PROSER2: variants seen among roughly 807,000 people sequenced by gnomAD.
PROSER2 encodes the protein proline and serine rich 2.
In PROSER2, 18 loss-of-function variants were observed where a neutral mutation model predicts 14.6. That is an observed-to-expected ratio of 1.23 (90% CI 0.85 to 1.83). PROSER2 has a LOEUF of 1.83. Ranked by LOEUF, PROSER2 falls within the 40% of genes most tolerant of loss-of-function variation. The pLI is 0.00. For synonymous variants in PROSER2, 367 were observed against 286.4 expected (o/e 1.28, Z -2.84); for missense variants, 823 against 629.8 (o/e 1.31, Z -3.28).
chr10:11,859,728 A>T (rs947641897), intron 2 of PROSER2, among the ~76,000 whole-genome samples: 1 of 152,190 alleles, frequency 6.6e-6, no homozygotes, highest in African/African-American at 2.4e-5. Flanking sequence ...TTACTATAAC[A>T]GCTTTATCGG....
chr10:11,853,761 T>C (rs1283868209), intron 2 of PROSER2, among the ~76,000 whole-genome samples: 1 of 152,196 alleles, frequency 6.6e-6, no homozygotes, highest in East Asian at 1.9e-4. Context: ...TTATTTTTTC[T>C]TTGATCGCTA....
intron 1 of PROSER2, among the ~76,000 whole-genome samples, chr10:11,846,236 C>T (rs1198095250): frequency 6.6e-6 from 1 of 152,186 alleles, no homozygotes; most frequent in African/African-American, 2.4e-5. Context: ...ATTCACCTGC[C>T]TCGGCCTCCC....
rs1298190159 is a variant in PROSER2, at chr10:11,838,746, T to G, written c.-81-13251T>G. On this transcript the variant is annotated intron_variant, in intron 1 of 3. Coordinates refer to ENST00000277570, the MANE Select transcript of PROSER2 (RefSeq NM_153256.4). This position sits in a 1 kb window ranked among gnomAD's most constrained non-coding sequence, Gnocchi z 4.4. ...AGCTTGCACTTTTTTTGTTCACTAGTGAGGTTGAACATCTGTCTTGTACTT... is the reference window on the plus strand; with the variant it reads ...AGCTTGCACTTTTTTTGTTCACTAGGGAGGTTGAACATCTGTCTTGTACTT... Among the ~76,000 whole-genome samples, 1 of 152,264 alleles carries G rather than the reference T, an allele frequency of 6.6e-6. No homozygotes were observed. The highest frequency in any genetic ancestry group is 2.4e-5 in the African/African-American group (1 of 41,478).
At chr10:11,852,544 T>TTC (rs1358566228) in intron 2 of PROSER2, among the ~76,000 whole-genome samples, 3 of 151,446 alleles carry the variant, frequency 2.0e-5, no homozygotes, top group Non-Finnish European at 4.4e-5. Flanking sequence ...GTTGACTCTT[T>TTC]TTTTTGAGAC....
At chr10:11,863,584 A>G (rs1834286751) in intron 2 of PROSER2, among the ~76,000 whole-genome samples, 1 of 151,962 alleles carries the variant, frequency 6.6e-6, no homozygotes, top group Non-Finnish European at 1.5e-5. Flanking sequence ...GTCCACACTC[A>G]TAGCATTATA....
Position 11,866,634 on chromosome 10 carries a change from T to C in PROSER2, c.242T>C (p.Leu81Pro). The change falls in exon 3 of 4, where the codon CTG becomes CCG. Residue 81 changes from leucine to proline, a missense_variant. Transcript: ENST00000277570. The surrounding 1 kb of genome is among the most constrained non-coding windows in gnomAD (Gnocchi z 6.0). Reference sequence around the variant, plus strand: ...GACGAGGACTTTGAGGAGCCAGTGCTGTGCGATGGAGGAGTGTGCTGCCTC... The same window carrying C: ...GACGAGGACTTTGAGGAGCCAGTGCCGTGCGATGGAGGAGTGTGCTGCCTC... The part of the protein sequence containing the change: ...SLDEDFEEPV[L>P]CDGGVCCLCS... 1 of 1,614,206 alleles carries C rather than the reference T, an allele frequency of 6.2e-7. No individual in the cohort carries two copies. The highest frequency in any genetic ancestry group is 8.5e-7 in the Non-Finnish European group (1 of 1,180,042).
At chr10:11,841,977 C>A (rs1191518874) in intron 1 of PROSER2, among the ~76,000 whole-genome samples, 1 of 152,136 alleles carries the variant, frequency 6.6e-6, no homozygotes, top group East Asian at 1.9e-4. Flanking sequence ...CTTCCTAGCA[C>A]TTTGGGAGGC....
intron 1 of PROSER2, among the ~76,000 whole-genome samples, chr10:11,840,109 C>A (rs1047984247): frequency 1.1e-4 from 16 of 151,650 alleles, no homozygotes; most frequent in African/African-American, 3.9e-4. Context: ...CACTCCTCCA[C>A]CCCTGGGTAA....
chr10:11,870,166 C>A lies in PROSER2; in HGVS notation c.1068C>A (p.Pro356=). ...PSAHEALKSA[P]SSFAPAGKSL... is the part of the protein sequence containing the mutation. ...CGCACGAGGCCCTGAAGAGCGCACCCAGCTCCTTCGCGCCCGCTGGGAAGT... is the reference window on the plus strand; with the variant it reads ...CGCACGAGGCCCTGAAGAGCGCACCAAGCTCCTTCGCGCCCGCTGGGAAGT... Residue 356 remains proline, a synonymous_variant, in exon 4 of 4, where the codon CCC becomes CCA. Coordinates refer to ENST00000277570, the MANE Select transcript of PROSER2 (RefSeq NM_153256.4). The A allele has an allele frequency of 6.8e-7, 1 of 1,475,890 alleles. No homozygotes were observed. Among genetic ancestry groups the A allele is most frequent in the Admixed American group, 2.3e-5 (1 of 43,150 alleles). The allele number at this position is 1,475,890 out of a possible 1,614,324, so 91.4% of individuals were successfully genotyped here.
rs1253474117 is a variant in PROSER2, at chr10:11,869,393, G to A, written c.392-97G>A. The A allele has an allele frequency of 5.6e-6, 5 of 898,624 alleles. No homozygotes were observed. Among genetic ancestry groups the A allele is most frequent in the Non-Finnish European group, 9.0e-6 (5 of 555,612 alleles). 55.7% of individuals were successfully genotyped at this position (898,624 alleles called of 1,614,324 possible). ...GCAGCACCGGCGAAGTTGGTGTCAG[G>A]TCCAGGTTGAGGCTCTTTTCAGTTC... On this transcript the variant is annotated intron_variant, in intron 3 of 3. Transcript: ENST00000277570. The surrounding 1 kb of genome is among the most constrained non-coding windows in gnomAD (Gnocchi z 4.4).
Position 11,836,024 on chromosome 10 carries a change from G to T in PROSER2, c.-82+12554G>T, listed in dbSNP as rs1230763915. Among the ~76,000 whole-genome samples, 2 of 151,874 alleles carry T rather than the reference G, an allele frequency of 1.3e-5. No homozygotes were observed. Among genetic ancestry groups the T allele is most frequent in the African/African-American group, 4.8e-5 (2 of 41,358 alleles). On this transcript the variant is annotated intron_variant, in intron 1 of 3. Transcript: ENST00000277570. The surrounding 1 kb of genome is among the most constrained non-coding windows in gnomAD (Gnocchi z 4.6). Reference sequence around the variant, plus strand: ...TAAGTCACCATATAGGGATTTTGGGGGGATGTGGCTTTATTTATTTATCTA... The same window carrying T: ...TAAGTCACCATATAGGGATTTTGGGTGGATGTGGCTTTATTTATTTATCTA...
At position 11,856,087 on chromosome 10, in the gene PROSER2, T is replaced by C. The variant is rs1834118401; in HGVS notation, c.138+3872T>C. 6.6e-6 allele frequency among the ~76,000 whole-genome samples: 1 copy of C among 152,242 alleles called. No homozygotes were observed. The highest frequency in any genetic ancestry group is 2.4e-5 in the African/African-American group (1 of 41,474). The stretch of plus-strand genomic sequence containing the variant: ...TTGAAACATAAGAGGGCAGCTTTGA[T>C]GTGTGTGCAAGGCGGTGCTTCCTGA... On this transcript the variant is annotated intron_variant, in intron 2 of 3. Coordinates refer to ENST00000277570, the MANE Select transcript of PROSER2 (RefSeq NM_153256.4). The surrounding 1 kb of genome is among the most constrained non-coding windows in gnomAD (Gnocchi z 5.3).
chr10:11,840,487 T>C (rs1275050299), intron 1 of PROSER2, among the ~76,000 whole-genome samples: 4 of 152,206 alleles, frequency 2.6e-5, no homozygotes, highest in Non-Finnish European at 4.4e-5. Flanking sequence ...TTAACTCTTC[T>C]TTATCATTAT....
chr10:11,839,740 G>A (rs961063791), intron 1 of PROSER2, among the ~76,000 whole-genome samples: 1 of 149,686 alleles, frequency 6.7e-6, no homozygotes, highest in Admixed American at 6.7e-5. Context: ...CAGGAGAATC[G>A]CTTGAACCCG....
Position 11,830,199 on chromosome 10 carries a change from G to C in PROSER2, c.-82+6729G>C, listed in dbSNP as rs1037489673. Among the ~76,000 whole-genome samples the C allele has an allele frequency of 6.6e-6, 1 of 152,046 alleles. No homozygotes were observed. The highest frequency in any genetic ancestry group is 6.6e-5 in the Admixed American group (1 of 15,254). ...ACTCCATGGACCTTCCCACCTTTTG[G>C]AGTCTCCCGTGTCCATTATTTCACT... is the stretch of plus-strand genomic sequence containing the variant. On this transcript the variant is annotated intron_variant, in intron 1 of 3. Transcript: ENST00000277570. The surrounding 1 kb of genome is among the most constrained non-coding windows in gnomAD (Gnocchi z 4.5).
rs994631302 is a variant in PROSER2, at chr10:11,871,543, C to T, written c.*1137C>T. 2.0e-5 allele frequency: 3 copies of T among 152,152 alleles called. No homozygotes were observed. Among genetic ancestry groups the T allele is most frequent in the Admixed American group, 6.5e-5 (1 of 15,276 alleles). The allele number at this position is 152,152 out of a possible 1,614,324, so 9.4% of individuals were successfully genotyped here. ...AAGCAAAAGATTCTTAAAGATCCACCGACTGTCATGTTCCACAAGCAAGAT... is the reference window on the plus strand; with the variant it reads ...AAGCAAAAGATTCTTAAAGATCCACTGACTGTCATGTTCCACAAGCAAGAT... On this transcript the variant is annotated 3_prime_UTR_variant, in exon 4 of 4. Coordinates refer to ENST00000277570, the MANE Select transcript of PROSER2 (RefSeq NM_153256.4).
intron 1 of PROSER2, among the ~76,000 whole-genome samples, chr10:11,841,144 G>A (rs922135357): frequency 6.6e-5 from 10 of 150,748 alleles, no homozygotes; most frequent in Non-Finnish European, 1.3e-4. Context: ...TTTCATTAGT[G>A]GTTATAAGAC....
At chr10:11,834,221 T>C (rs1833727509) in intron 1 of PROSER2, among the ~76,000 whole-genome samples, 1 of 150,618 alleles carries the variant, frequency 6.6e-6, no homozygotes, top group African/African-American at 2.4e-5. Flanking sequence ...TCTCGATCTT[T>C]TGACCTCGTG....
Position 11,866,844 on chromosome 10 carries a change from A to G in PROSER2, c.391+61A>G, listed in dbSNP as rs1218869296. On this transcript the variant is annotated intron_variant, in intron 3 of 3. Transcript: ENST00000277570. This position sits in a 1 kb window ranked among gnomAD's most constrained non-coding sequence, Gnocchi z 6.0. ...TTCCTGGTGTCTGTGAGACCCAGAG[A>G]TACTTCTTTTGTGTTCCCCTGTGTT... 1.9e-6 allele frequency: 3 copies of G among 1,550,554 alleles called. No homozygotes were observed. The highest frequency in any genetic ancestry group is 2.6e-6 in the Non-Finnish European group (3 of 1,153,102).
Sources: allele counts gnomAD v4.1 joint callset (sites outside exome capture counted in the v4.1 genomes callset), GRCh38; gene constraint gnomAD v4.1.1; non-coding constraint Gnocchi (gnomAD v3.1); transcripts MANE v1.5; gene names NCBI Gene and HGNC (gene_info 2026-07-23, HGNC 2026-07-21).